The following KCNC2 variants were observed in gnomAD, a reference collection of about 807,000 sequenced individuals.
KCNC2 encodes voltage-gated potassium channel KCNC2.
In KCNC2, 21 loss-of-function variants were observed where a neutral mutation model predicts 44.5. That is an observed-to-expected ratio of 0.47 (90% CI 0.33 to 0.68). The LOEUF (loss-of-function observed/expected upper bound fraction) is 0.68, where lower values mean the gene tolerates loss of function less well. Among genes scored for constraint, KCNC2 ranks in the 30% least tolerant of loss-of-function variants. The pLI, the probability that KCNC2 is intolerant of heterozygous loss-of-function variation, is 0.01. For missense variants in KCNC2, 589 were observed against 826.2 expected (o/e 0.71, Z 3.52); for synonymous variants, 391 against 339.1 (o/e 1.15, Z -1.68).
chr12:75,115,122 C>A (rs2446334), intron 2 of KCNC2, among the ~76,000 whole-genome samples: 17,336 of 151,432 alleles, frequency 0.11, 1,138 homozygotes, highest in African/African-American at 0.16. Flanking sequence ...CTGGGCCTCC[C>A]AAAGTGCTGG....
intron 2 of KCNC2, among the ~76,000 whole-genome samples, chr12:75,196,797 T>TAA (rs56921144): frequency 6.6e-6 from 1 of 151,854 alleles, no homozygotes; most frequent in African/African-American, 2.4e-5. Flanking sequence ...GACATGCAAT[T>TAA]AAAAAACAAC....
chr12:75,086,396 T>C (rs895393041), intron 2 of KCNC2, among the ~76,000 whole-genome samples: 8 of 152,030 alleles, frequency 5.3e-5, no homozygotes, highest in Non-Finnish European at 1.5e-5. Context: ...AAAAGAATTA[T>C]CAGACAAATT....
chr12:75,151,917 A>C (rs533867846), intron 2 of KCNC2, among the ~76,000 whole-genome samples: 3 of 146,382 alleles, frequency 2.0e-5, no homozygotes, highest in African/African-American at 7.5e-5. Context: ...TCTAATATAT[A>C]TATATAATAT....
intron 2 of KCNC2, among the ~76,000 whole-genome samples, chr12:75,139,731 A>G (rs953582705): frequency 6.6e-5 from 10 of 152,216 alleles, no homozygotes; most frequent in Admixed American, 6.5e-5. Context: ...TGAAAGCATG[A>G]TTTATAATTT....
chr12:75,166,167 A>G (rs1354699999), intron 2 of KCNC2, among the ~76,000 whole-genome samples: 1 of 151,194 alleles, frequency 6.6e-6, no homozygotes, highest in Non-Finnish European at 1.5e-5. Context: ...GAGAGAAATA[A>G]ACATTTTATA....
rs11304908 is a variant in KCNC2, at chr12:75,070,451, C to CA, written c.688-19135dup. ...GGGCAACAAGAACAAAACTCCATCT[C>CA]AAAAAAAAAAAAAAGTCACTTTTTA... On this transcript the variant is annotated intron_variant, in intron 2 of 4. Coordinates refer to ENST00000549446, the MANE Select transcript of KCNC2 (RefSeq NM_139137.4). Among the ~76,000 whole-genome samples, 206 of 142,698 alleles carry CA rather than the reference C, an allele frequency of 1.4e-3. 1 individual carries two copies. Among genetic ancestry groups the CA allele is most frequent in the African/African-American group, 5.1e-3 (196 of 38,576 alleles). 93.6% of individuals were successfully genotyped at this position (142,698 alleles called of 152,430 possible). A position where few individuals can be genotyped will look rare whatever the true frequency, so the allele number is the denominator to read the frequency against.
At chr12:75,043,722 TC>T (rs1193949929) in intron 4 of KCNC2, 3 of 1,432,678 alleles carry the variant, frequency 2.1e-6, no homozygotes, top group Non-Finnish European at 2.7e-6. Context: ...TATTTAATCT[TC>T]CAGCTTTATA....
intron 2 of KCNC2, among the ~76,000 whole-genome samples, chr12:75,133,146 G>T (rs1004905252): frequency 1.3e-5 from 2 of 151,962 alleles, no homozygotes; most frequent in Non-Finnish European, 2.9e-5. Context: ...GCTACTTGTA[G>T]AGTAGGGCAA....
At chr12:75,191,592 G>C (rs1182002588) in intron 2 of KCNC2, among the ~76,000 whole-genome samples, 2 of 119,112 alleles carry the variant, frequency 1.7e-5, no homozygotes, top group Non-Finnish European at 3.2e-5. Context: ...CGCCCAGGCT[G>C]GACTGCGGAC....
intron 2 of KCNC2, among the ~76,000 whole-genome samples, chr12:75,126,765 A>G (rs1888455627): frequency 6.6e-6 from 1 of 152,188 alleles, no homozygotes; most frequent in Non-Finnish European, 1.5e-5. Context: ...AAACAAGAAC[A>G]TTCAGGATAA....
chr12:75,191,185 A>G (rs1409372667), intron 2 of KCNC2, among the ~76,000 whole-genome samples: 2 of 151,890 alleles, frequency 1.3e-5, no homozygotes, highest in African/African-American at 4.8e-5. Context: ...ACTTTTTGAG[A>G]TCTAAAACCA....
chr12:75,120,147 T>A (rs1887953115), intron 2 of KCNC2, among the ~76,000 whole-genome samples: 1 of 152,194 alleles, frequency 6.6e-6, no homozygotes, highest in South Asian at 2.1e-4. Context: ...ATATTTCTAG[T>A]CATTTGCATT....
intron 2 of KCNC2, among the ~76,000 whole-genome samples, chr12:75,086,681 A>AAAATATATATATATATATAT (rs1206456289): frequency 1.8e-5 from 1 of 54,210 alleles, no homozygotes; most frequent in Non-Finnish European, 3.5e-5. Context: ...AAAAAAAAAA[A>AAAATATATATATATATATAT]ATATATATAT....
rs75788388 is a variant in KCNC2, at chr12:75,125,987, A to G, written c.688-74670T>C. ...TAATATATATTATCTCATTTTTTAT[A>G]ATAACACCATACTATAAATATTATT... On this transcript the variant is annotated intron_variant, in intron 2 of 4. Transcript: ENST00000549446. Among the ~76,000 whole-genome samples, 37 of 152,232 alleles carry G rather than the reference A, an allele frequency of 2.4e-4. 1 individual carries two copies. In the East Asian group the frequency reaches 6.7e-3, roughly 28 times the overall value.
intron 2 of KCNC2, among the ~76,000 whole-genome samples, chr12:75,189,000 T>G (rs2029939675): frequency 6.6e-6 from 1 of 152,096 alleles, no homozygotes; most frequent in African/African-American, 2.4e-5. Context: ...AAATAACTGT[T>G]GAGAATAGTT....
intron 2 of KCNC2, among the ~76,000 whole-genome samples, chr12:75,105,620 A>T (rs1886721949): frequency 6.6e-6 from 1 of 152,188 alleles, no homozygotes; most frequent in Non-Finnish European, 1.5e-5. Context: ...TTCAAGGCAT[A>T]GAAACAGAAT....
At position 75,042,406 on chromosome 12, in the gene KCNC2, T is replaced by G; in HGVS notation, c.*699A>C. ...GCAAACAACCAGAGACATTCAGAAC[T>G]CCAATACAGCATTTTTGAAGAAAAG... On this transcript the variant is annotated 3_prime_UTR_variant, in exon 5 of 5. Coordinates refer to ENST00000549446, the MANE Select transcript of KCNC2 (RefSeq NM_139137.4). 3 of 1,597,490 alleles carry G rather than the reference T, an allele frequency of 1.9e-6. No homozygotes were observed. The South Asian group carries it at 3.4e-5, about 18-fold the overall frequency.
chr12:75,087,888 A>C (rs1885155819), intron 2 of KCNC2, among the ~76,000 whole-genome samples: 1 of 152,016 alleles, frequency 6.6e-6, no homozygotes, highest in African/African-American at 2.4e-5. Flanking sequence ...TATGTGTTTC[A>C]AATGAAACCC....
chr12:75,203,750 TAA>T (rs1249744293), intron 2 of KCNC2, among the ~76,000 whole-genome samples: 3 of 151,852 alleles, frequency 2.0e-5, no homozygotes, highest in African/African-American at 7.2e-5. Context: ...ATAAAAAATA[TAA>T]GTGAAAAGAA....
Sources: allele counts gnomAD v4.1 joint callset (sites outside exome capture counted in the v4.1 genomes callset), GRCh38; gene constraint gnomAD v4.1.1; transcripts MANE v1.5; gene names NCBI Gene and HGNC (gene_info 2026-07-23, HGNC 2026-07-21).